Variants in NCOA1 observed in about 807,000 individuals in gnomAD.
The protein encoded by NCOA1 is Hin-2 protein.
Under a neutral mutation model 150.9 loss-of-function variants are expected in NCOA1, and 35 were observed. The ratio of observed to expected loss-of-function variants is 0.23; its 90% CI spans 0.18 to 0.31. NCOA1 has a LOEUF of 0.31. NCOA1 is among the 10% of genes least tolerant of loss of function. The pLI is 1.00. For synonymous variants in NCOA1, 590 were observed against 630.0 expected, an observed-to-expected ratio of 0.94 and a Z score of 0.95; for missense variants, 1,491 against 1,749.3, an observed-to-expected ratio of 0.85 and a Z score of 2.63.
intron 21 of NCOA1, among the ~76,000 whole-genome samples, chr2:24,762,065 C>T (rs1054837065): frequency 2.6e-5 from 4 of 152,252 alleles, no homozygotes; most frequent in African/African-American, 9.6e-5. Context: ...AGGATTCTAG[C>T]TGCATCCCCT....
intron 6 of NCOA1, among the ~76,000 whole-genome samples, chr2:24,668,359 A>G (rs968285317): frequency 6.6e-6 from 1 of 152,038 alleles, no homozygotes; most frequent in African/African-American, 2.4e-5. Flanking sequence ...AAGAAAGATA[A>G]AGTAACTTAT....
chr2:24,583,911 A>T (rs1332014060), intron 2 of NCOA1, among the ~76,000 whole-genome samples: 2 of 152,172 alleles, frequency 1.3e-5, no homozygotes, highest in African/African-American at 4.8e-5. Flanking sequence ...GGAGGCAGGT[A>T]TTGGGAGAGG....
intron 1 of NCOA1, among the ~76,000 whole-genome samples, chr2:24,531,212 A>G (rs1434004794): frequency 6.6e-6 from 1 of 152,174 alleles, no homozygotes; most frequent in Non-Finnish European, 1.5e-5. Context: ...TAGAATTACC[A>G]CACGACCCAG....
chr2:24,708,667 C>A (rs572260575), intron 13 of NCOA1, among the ~76,000 whole-genome samples: 1 of 152,118 alleles, frequency 6.6e-6, no homozygotes, highest in African/African-American at 2.4e-5. Context: ...CATTAATCAG[C>A]AGACAATGTA....
intron 1 of NCOA1, among the ~76,000 whole-genome samples, chr2:24,537,847 T>A (rs1472439165): frequency 6.6e-6 from 1 of 152,144 alleles, no homozygotes; most frequent in East Asian, 1.9e-4. Context: ...ATCTCAAATA[T>A]ATACAATAAA....
chr2:24,499,782 T>C (rs901296436), intron 1 of NCOA1, among the ~76,000 whole-genome samples: 1 of 152,230 alleles, frequency 6.6e-6, no homozygotes, highest in Non-Finnish European at 1.5e-5. Flanking sequence ...GGATGTGTCT[T>C]GAGGAGTCTT....
intron 17 of NCOA1, among the ~76,000 whole-genome samples, chr2:24,735,979 T>TGAA (rs1359946201): frequency 6.6e-6 from 1 of 152,152 alleles, no homozygotes; most frequent in East Asian, 1.9e-4. Flanking sequence ...CCCAGCACTT[T>TGAA]GGGAGGCCAA....
At chr2:24,696,629 T>C (rs1672909638) in intron 10 of NCOA1, among the ~76,000 whole-genome samples, 1 of 152,226 alleles carries the variant, frequency 6.6e-6, no homozygotes, top group African/African-American at 2.4e-5. Context: ...CTAACAATTC[T>C]GTTCCTACAT....
chr2:24,681,201 T>C (rs1672146603), intron 7 of NCOA1, among the ~76,000 whole-genome samples: 1 of 151,922 alleles, frequency 6.6e-6, no homozygotes. Context: ...CCATCTCTAC[T>C]AAAAATACAG....
Position 24,707,470 on chromosome 2 carries a change from C to A in NCOA1, c.2000C>A (p.Ala667Asp). 6.2e-7 allele frequency: 1 copy of A among 1,614,224 alleles called. No homozygotes were observed. Among genetic ancestry groups the A allele is most frequent in the Non-Finnish European group, 8.5e-7 (1 of 1,180,042 alleles). ...VLSCTGTSNS[A>D]SANSSGGSCP... ...TCTTGCACAGGCACTTCCAACTCTG[C>A]CTCTGCTAACTCTTCAGGAGGTTCT... Residue 667 changes from alanine (A) to aspartate (D), a missense_variant, in exon 13 of 23, where the codon GCC becomes GAC. Coordinates refer to ENST00000348332, the MANE Select transcript of NCOA1 (RefSeq NM_003743.5).
At chr2:24,702,986 CTA>C (rs766881291) in intron 11 of NCOA1, among the ~76,000 whole-genome samples, 1 of 152,182 alleles carries the variant, frequency 6.6e-6, no homozygotes, top group African/African-American at 2.4e-5. Context: ...TAGGGATTGA[CTA>C]TGTGTGTGAC....
intron 2 of NCOA1, among the ~76,000 whole-genome samples, chr2:24,570,137 C>T (rs1428308289): frequency 6.7e-5 from 10 of 148,922 alleles, no homozygotes; most frequent in Non-Finnish European, 1.2e-4. Context: ...TCTGGGTCCA[C>T]GTTCAATCAT....
At chr2:24,569,462 T>C (rs943993488) in intron 2 of NCOA1, among the ~76,000 whole-genome samples, 1 of 151,652 alleles carries the variant, frequency 6.6e-6, no homozygotes, top group Non-Finnish European at 1.5e-5. Context: ...AAGGATGAAA[T>C]ATGAGGATTT....
intron 3 of NCOA1, among the ~76,000 whole-genome samples, chr2:24,638,180 CTT>C (rs544369191): frequency 2.0e-4 from 18 of 89,522 alleles, no homozygotes; most frequent in African/African-American, 6.3e-4. Context: ...ATGAGATCAA[CTT>C]TTTTTTTTTT....
chr2:24,757,970 C>A lies in NCOA1; in HGVS notation c.3882-3C>A. 1 of 1,612,652 alleles carries A rather than the reference C, an allele frequency of 6.2e-7. No homozygotes were observed. Among genetic ancestry groups the A allele is most frequent in the Non-Finnish European group, 8.5e-7 (1 of 1,179,348 alleles). On this transcript the variant is annotated splice_polypyrimidine_tract_variant and splice_region_variant and intron_variant, in intron 20 of 22. Transcript: ENST00000348332. ...GTAATCTGGATTGTTTTTGAGTTTA[C>A]AGTGTGTTCAGTCAAGCTGTCCAGA...
chr2:24,499,346 T>C (rs116679348), intron 1 of NCOA1, among the ~76,000 whole-genome samples: 2,358 of 152,322 alleles, frequency 0.015, 32 homozygotes, highest in Admixed American at 0.023. Context: ...TCTTAGATGT[T>C]GATTTGAGTT....
chr2:24,546,632 C>T (rs1057434068), intron 1 of NCOA1, among the ~76,000 whole-genome samples: 1 of 152,144 alleles, frequency 6.6e-6, no homozygotes, highest in Admixed American at 6.5e-5. Flanking sequence ...TTGCTGATAT[C>T]ACGAGCTTGA....
intron 1 of NCOA1, among the ~76,000 whole-genome samples, chr2:24,562,838 A>G (rs1035022275): frequency 2.0e-5 from 3 of 152,168 alleles, no homozygotes; most frequent in Admixed American, 6.5e-5. Flanking sequence ...GAGAAAGAGC[A>G]GGTAGAGTGC....
At chr2:24,502,912 G>C (rs1445822146) in intron 1 of NCOA1, among the ~76,000 whole-genome samples, 1 of 152,012 alleles carries the variant, frequency 6.6e-6, no homozygotes, top group Non-Finnish European at 1.5e-5. Flanking sequence ...TTATTCGCTT[G>C]GTACTTTATA....
Sources: allele counts gnomAD v4.1 joint callset (sites outside exome capture counted in the v4.1 genomes callset), GRCh38; gene constraint gnomAD v4.1.1; transcripts MANE v1.5; gene names NCBI Gene and HGNC (gene_info 2026-07-23, HGNC 2026-07-21).